Variants in POGLUT2 observed in about 807,000 individuals in gnomAD.
The protein encoded by POGLUT2 is ER protein 58.
Under a neutral mutation model 57.6 loss-of-function variants are expected in POGLUT2, and 47 were observed. The observed-to-expected ratio is 0.82, with a 90% confidence interval of 0.65 to 1.04. The LOEUF is 1.04. POGLUT2 is among the 50% of genes least tolerant of loss of function. POGLUT2 has a pLI of 0.00. For synonymous variants in POGLUT2, 200 were observed against 218.8 expected (o/e 0.91, Z 0.76); for missense variants, 565 against 614.8 (o/e 0.92, Z 0.86).
chr13:102,790,228 T>C lies in POGLUT2; in HGVS notation c.1083+673A>G, dbSNP rs1878114609. 2.6e-5 allele frequency among the ~76,000 whole-genome samples: 4 copies of C among 152,244 alleles called. No homozygotes were observed. In the South Asian group the frequency reaches 8.3e-4, roughly 31 times the overall value. ...CAACAAAACCCATCAAAAGAAAATT[T>C]GGTCATCTACAGGGCAGACAGAACT... On this transcript the variant is annotated intron_variant, in intron 6 of 9. Transcript: ENST00000376004.
intron 6 of POGLUT2, among the ~76,000 whole-genome samples, chr13:102,789,967 T>G (rs1306543270): frequency 6.6e-6 from 1 of 152,180 alleles, no homozygotes; most frequent in African/African-American, 2.4e-5. Flanking sequence ...AGAACACCTA[T>G]GAATAAAAAT....
chr13:102,785,053 C>T (rs543073974), intron 9 of POGLUT2, among the ~76,000 whole-genome samples: 4 of 152,172 alleles, frequency 2.6e-5, no homozygotes, highest in Non-Finnish European at 4.4e-5. Flanking sequence ...CCTTGGAGCA[C>T]TGACAGAGTT....
In POGLUT2 at chr13:102,793,413, A is replaced by G. The variant is rs202095190; in HGVS notation, c.600T>C (p.Tyr200=). 5.1e-6 allele frequency: 8 copies of G among 1,581,380 alleles called. No homozygotes were observed. Residue 200 remains tyrosine, a synonymous_variant, in exon 4 of 10, where the codon TAT becomes TAC. Coordinates refer to ENST00000376004, the MANE Select transcript of POGLUT2 (RefSeq NM_024089.3). ...CTACATGTTCACCATGAGTCTTGAT[A>G]TAAACCTAAAAGAGAATTTACCATT... is the stretch of plus-strand genomic sequence containing the variant. ...CHYTLKDNKV[Y]IKTHGEHVGF...
In POGLUT2 at chr13:102,791,279, G is replaced by A; in HGVS notation, c.824C>T (p.Ser275Phe). Residue 275 changes from serine to phenylalanine, a missense_variant, in exon 5 of 10, where the codon TCT (serine) becomes TTT (phenylalanine). Transcript: ENST00000376004. ...TCACCGGCCCATGGTTTCCAGAACA[G>A]AATCAGTCAAATCGTACGTAGGCAT... ...IVMPTYDLTD[S>F]VLETMGRVSL... 1 of 1,606,774 alleles carries A rather than the reference G, an allele frequency of 6.2e-7. No individual in the cohort carries two copies. The highest frequency in any genetic ancestry group is 8.5e-7 in the Non-Finnish European group (1 of 1,177,918).
Position 102,788,499 on chromosome 13 carries a change from T to G in POGLUT2, c.1293+513A>C, listed in dbSNP as rs548524616. On this transcript the variant is annotated intron_variant, in intron 7 of 9. Coordinates refer to ENST00000376004, the MANE Select transcript of POGLUT2 (RefSeq NM_024089.3). ...TGTTGTTGTTGTTGTTTGTTGTTGT[T>G]GTTTGAGACGGAGTTTTGCTCTTGT... is the stretch of plus-strand genomic sequence containing the variant. 1.2e-3 allele frequency among the ~76,000 whole-genome samples: 187 copies of G among 152,292 alleles called. 1 individual carries two copies. The highest frequency in any genetic ancestry group is 6.8e-3 in the Middle Eastern group (2 of 294).
chr13:102,789,515 T>C (rs951027636), intron 6 of POGLUT2, among the ~76,000 whole-genome samples: 1 of 152,256 alleles, frequency 6.6e-6, no homozygotes, highest in Non-Finnish European at 1.5e-5. Flanking sequence ...GATTCATTTG[T>C]GACTTTTTGT....
intron 9 of POGLUT2, among the ~76,000 whole-genome samples, chr13:102,785,657 T>C (rs889944245): frequency 6.6e-6 from 1 of 152,202 alleles, no homozygotes; most frequent in African/African-American, 2.4e-5. Context: ...TTGAGCACAA[T>C]TCCTTTTTGG....
Position 102,796,876 on chromosome 13 carries a change from T to C in POGLUT2, c.316A>G (p.Ser106Gly). ...SFIVRYRMYA[S>G]YKNLKVEIKF... is the part of the protein sequence containing the mutation. ...ATTTCCACCTTCAGATTTTTGTAGC[T>C]TGCATACATTCTGTATCTTACTATG... Residue 106 changes from serine to glycine, a missense_variant, in exon 2 of 10, where the codon AGC (serine) becomes GGC (glycine). Transcript: ENST00000376004. The C allele has an allele frequency of 6.2e-7, 1 of 1,611,068 alleles. No homozygotes were observed. The highest frequency in any genetic ancestry group is 8.5e-7 in the Non-Finnish European group (1 of 1,177,376).
chr13:102,784,807 C>T (rs978572852), intron 9 of POGLUT2, among the ~76,000 whole-genome samples: 10 of 152,242 alleles, frequency 6.6e-5, no homozygotes, highest in African/African-American at 1.9e-4. Context: ...AAAAAATAAA[C>T]GAAGCTATCA....
chr13:102,795,097 C>G (rs981922622), intron 2 of POGLUT2, among the ~76,000 whole-genome samples: 2 of 151,156 alleles, frequency 1.3e-5, no homozygotes, highest in Non-Finnish European at 2.9e-5. Context: ...ACTAAAAATA[C>G]AAAAATTAGC....
intron 1 of POGLUT2, 25 bp downstream of exon 1, chr13:102,798,464 G>A (rs995660517): frequency 6.6e-7 from 1 of 1,521,136 alleles, no homozygotes; most frequent in African/African-American, 1.4e-5. Context: ...ATCCAAAATA[G>A]GTAAGGAGCC....
In POGLUT2 at chr13:102,784,354, A is replaced by G; in HGVS notation, c.*141T>C. ...TAAAGTACAGTCATGAGAATACTGC[A>G]TAAGTAGAAATGTGTCTTCATACTG... On this transcript the variant is annotated 3_prime_UTR_variant, in exon 10 of 10. Transcript: ENST00000376004. 1 of 606,542 alleles carries G rather than the reference A, an allele frequency of 1.6e-6. No individual in the cohort carries two copies. The highest frequency in any genetic ancestry group is 2.0e-5 in the South Asian group (1 of 49,402). The allele number at this position is 606,542 out of a possible 1,614,324, so 37.6% of individuals were successfully genotyped here.
chr13:102,796,309 A>AAAAAT (rs1555319540), intron 2 of POGLUT2, among the ~76,000 whole-genome samples: 110 of 125,994 alleles, frequency 8.7e-4, no homozygotes, highest in African/African-American at 2.7e-3. Flanking sequence ...AAAAAAAAAA[A>AAAAAT]AAATAAATAA....
intron 1 of POGLUT2, 27 bp downstream of exon 1, chr13:102,798,462 T>C: frequency 6.6e-7 from 1 of 1,510,612 alleles, no homozygotes; most frequent in Non-Finnish European, 8.9e-7. Flanking sequence ...CCATCCAAAA[T>C]AGGTAAGGAG....
chr13:102,796,259 C>T (rs1473017195), intron 2 of POGLUT2, among the ~76,000 whole-genome samples: 1 of 146,480 alleles, frequency 6.8e-6, no homozygotes, highest in African/African-American at 2.6e-5. Flanking sequence ...TGCGCCATTG[C>T]ACTCCAGCCT....
At chr13:102,788,267 T>C (rs1878028986) in intron 7 of POGLUT2, among the ~76,000 whole-genome samples, 1 of 152,222 alleles carries the variant, frequency 6.6e-6, no homozygotes, top group South Asian at 2.1e-4. Flanking sequence ...GCTTAAAGTT[T>C]ATTGCATTCC....
chr13:102,795,180 A>G (rs1878328627), intron 2 of POGLUT2, among the ~76,000 whole-genome samples: 1 of 144,138 alleles, frequency 6.9e-6, no homozygotes, highest in African/African-American at 2.6e-5. Context: ...TGAACCCGGG[A>G]GGCAGAGCTT....
At chr13:102,796,692 AAAAAAAAATATAT>A in intron 2 of POGLUT2, 99 bp downstream of exon 2, 1 of 151,816 alleles carries the variant, frequency 6.6e-6, no homozygotes, top group African/African-American at 3.7e-5. Context: ...GTAAAAAAAA[AAAAAAAAATATAT>A]ATATATATAT....
At chr13:102,798,240 T>C (rs1878515544) in intron 1 of POGLUT2, among the ~76,000 whole-genome samples, 1 of 152,222 alleles carries the variant, frequency 6.6e-6, no homozygotes, top group African/African-American at 2.4e-5. Context: ...AGGGACTTTG[T>C]CTTGCCCTGA....
Sources: gnomAD v4.1 joint callset for allele counts (sites outside exome capture counted in the v4.1 genomes callset) on GRCh38, gnomAD v4.1.1 for gene constraint, MANE v1.5 for transcripts, NCBI Gene and HGNC (gene_info 2026-07-23, HGNC 2026-07-21) for gene names.